Variants in C20orf96 observed in about 807,000 individuals in gnomAD.
C20orf96 encodes uncharacterized protein C20orf96.
Under a neutral mutation model 52.6 loss-of-function variants are expected in C20orf96, and 57 were observed. The ratio of observed to expected loss-of-function variants is 1.08; its 90% confidence interval spans 0.88 to 1.35. The LOEUF (loss-of-function observed/expected upper bound fraction) is 1.35, where lower values mean the gene tolerates loss of function less well. Ranked by LOEUF, C20orf96 falls within the 40% of genes most tolerant of loss-of-function variation. The pLI is 0.00. For missense variants in C20orf96, 478 were observed against 443.6 expected, an observed-to-expected ratio of 1.08 and a Z score of -0.70; for synonymous variants, 168 against 157.2, an observed-to-expected ratio of 1.07 and a Z score of -0.51.
At chr20:283,451 G>A (rs1259482585) in intron 4 of C20orf96, among the ~76,000 whole-genome samples, 3 of 151,956 alleles carry the variant, frequency 2.0e-5, no homozygotes, top group South Asian at 2.1e-4. Context: ...CTACAGGTGC[G>A]TGCTACCACA....
intron 10 of C20orf96, among the ~76,000 whole-genome samples, chr20:273,438 ACT>A (rs2011904349): frequency 6.6e-6 from 1 of 152,012 alleles, no homozygotes; most frequent in Non-Finnish European, 1.5e-5. Context: ...TCTCCCTGTC[ACT>A]CTGCATTCCA....
intron 10 of C20orf96, among the ~76,000 whole-genome samples, chr20:272,725 T>C (rs1262964020): frequency 6.6e-6 from 1 of 152,130 alleles, no homozygotes; most frequent in Non-Finnish European, 1.5e-5. Flanking sequence ...AATCTCTGCA[T>C]TTGACATCAC....
chr20:282,010 T>A (rs1443682518), intron 4 of C20orf96, among the ~76,000 whole-genome samples: 1 of 152,126 alleles, frequency 6.6e-6, no homozygotes, highest in Non-Finnish European at 1.5e-5. Flanking sequence ...AGTAACTTAT[T>A]CAAGGTCACA....
In C20orf96 at chr20:270,957, A is replaced by G; in HGVS notation, c.*250T>C. 1 of 470,214 alleles carries G rather than the reference A, an allele frequency of 2.1e-6. No homozygotes were observed. The highest frequency in any genetic ancestry group is 3.8e-6 in the Non-Finnish European group (1 of 264,378). 29.1% of individuals were successfully genotyped at this position (470,214 alleles called of 1,614,324 possible). ...AGCAGCACCAACCAGAAAGAAGGGA[A>G]GAAGAGAGGAAAAAACCACAGGAAG... On this transcript the variant is annotated 3_prime_UTR_variant, in exon 11 of 11. Transcript: ENST00000360321.
At position 276,775 on chromosome 20, in the gene C20orf96, C is replaced by T; in HGVS notation, c.912+18G>A. 1.2e-6 allele frequency: 2 copies of T among 1,608,872 alleles called. No individual in the cohort carries two copies. Among genetic ancestry groups the T allele is most frequent in the Middle Eastern group, 1.7e-4 (1 of 6,060 alleles). On this transcript the variant is annotated intron_variant, in intron 9 of 10. Transcript: ENST00000360321. The stretch of plus-strand genomic sequence containing the variant: ...CACTGCTTCCCTACAGGGACCACCA[C>T]CTTCCTTGCCCACGCACTTCTCTGA...
intron 3 of C20orf96, among the ~76,000 whole-genome samples, chr20:286,693 G>A (rs73572445): frequency 0.1 from 15,252 of 152,080 alleles, 2,500 homozygotes; most frequent in African/African-American, 0.34. Flanking sequence ...GCAAAAGTAC[G>A]GTACAATATC....
intron 10 of C20orf96, among the ~76,000 whole-genome samples, chr20:275,746 C>T (rs1343250151): frequency 4.6e-5 from 7 of 152,308 alleles, no homozygotes; most frequent in Non-Finnish European, 1.0e-4. Flanking sequence ...TTACACCACC[C>T]AGCCTGCTGT....
chr20:290,707 G>A lies in C20orf96; in HGVS notation c.-97C>T, dbSNP rs1170394114. The A allele has an allele frequency of 1.8e-5, 27 of 1,499,366 alleles. No homozygotes were observed. The highest frequency in any genetic ancestry group is 2.2e-5 in the Non-Finnish European group (24 of 1,092,516). 92.9% of individuals were successfully genotyped at this position (1,499,366 alleles called of 1,614,324 possible). A position where few individuals can be genotyped will look rare whatever the true frequency, so the allele number is the denominator to read the frequency against. On this transcript the variant is annotated 5_prime_UTR_variant, in exon 1 of 11. Transcript: ENST00000360321. ...ACTTCCTTGTCTCAGTGTAGATCGC[G>A]CGGTAACCCAGGCCACTCAGAAGTC...
At chr20:278,162 G>A (rs915892807) in intron 6 of C20orf96, among the ~76,000 whole-genome samples, 168 bp downstream of exon 6, 9 of 152,212 alleles carry the variant, frequency 5.9e-5, no homozygotes, top group Non-Finnish European at 1.2e-4. Flanking sequence ...AAAGAGCTAA[G>A]TGTTGGGTAA....
chr20:274,330 G>C (rs934564479), intron 10 of C20orf96, among the ~76,000 whole-genome samples: 1 of 151,512 alleles, frequency 6.6e-6, no homozygotes, highest in South Asian at 2.1e-4. Context: ...CACCAGAATG[G>C]TGAGTGTGAG....
chr20:275,499 C>T (rs887606021), intron 10 of C20orf96, among the ~76,000 whole-genome samples: 9 of 152,192 alleles, frequency 5.9e-5, no homozygotes, highest in African/African-American at 1.9e-4. Context: ...GGGGGACCCC[C>T]AACCCAACCG....
chr20:283,280 T>C (rs2012296813), intron 4 of C20orf96, among the ~76,000 whole-genome samples: 1 of 152,136 alleles, frequency 6.6e-6, no homozygotes, highest in African/African-American at 2.4e-5. Context: ...TGCTTCAAAG[T>C]ACACTGTAAG....
Position 290,482 on chromosome 20 carries a change from A to G in C20orf96, c.20+109T>C, listed in dbSNP as rs1821518037. 4.0e-6 allele frequency: 6 copies of G among 1,481,694 alleles called. No individual in the cohort carries two copies. The South Asian group carries it at 7.3e-5, about 18-fold the overall frequency. The allele number at this position is 1,481,694 out of a possible 1,614,324, so 91.8% of individuals were successfully genotyped here. On this transcript the variant is annotated intron_variant, in intron 1 of 10. Transcript: ENST00000360321. The stretch of plus-strand genomic sequence containing the variant: ...TGTGGGCGGGGAGAGGACGGGGGTC[A>G]GAAGACCGAGGGCGACCTCGAGGCG...
chr20:273,310 C>T (rs1354351231), intron 10 of C20orf96, among the ~76,000 whole-genome samples: 1 of 152,164 alleles, frequency 6.6e-6, no homozygotes, highest in Non-Finnish European at 1.5e-5. Flanking sequence ...TTTTGGAATA[C>T]AAATCTGATC....
Position 290,240 on chromosome 20 carries a change from C to A in C20orf96, c.69+19G>T. The stretch of plus-strand genomic sequence containing the variant: ...GGCCAGCGAGCCTCCCACCCCAGCC[C>A]TAGTCCCCCAAGACTCACCGGAACC... On this transcript the variant is annotated intron_variant, in intron 2 of 10. Coordinates refer to ENST00000360321, the MANE Select transcript of C20orf96 (RefSeq NM_153269.3). The A allele has an allele frequency of 6.2e-7, 1 of 1,603,294 alleles. No individual in the cohort carries two copies. The highest frequency in any genetic ancestry group is 8.5e-7 in the Non-Finnish European group (1 of 1,172,004).
At chr20:276,543 T>C in intron 9 of C20orf96, 3 of 985,340 alleles carry the variant, frequency 3.0e-6, no homozygotes, top group Non-Finnish European at 3.6e-6. Flanking sequence ...TAGGTGATGT[T>C]TGGTGATGGT....
At chr20:284,232 A>G in intron 3 of C20orf96, 151 bp from the exon 4 acceptor site, 1 of 623,236 alleles carries the variant, frequency 1.6e-6, no homozygotes, top group Non-Finnish European at 2.9e-6. Flanking sequence ...CGAGGGTGAA[A>G]TTCACACCCT....
intron 10 of C20orf96, among the ~76,000 whole-genome samples, chr20:275,387 C>T (rs1025525520): frequency 5.9e-5 from 9 of 152,054 alleles, no homozygotes; most frequent in African/African-American, 2.2e-4. Context: ...GGAAGGAAAA[C>T]GACAGGAGGG....
chr20:276,076 T>A lies in C20orf96; in HGVS notation c.923A>T (p.Gln308Leu). ...TAATACAGGCATGTTCTCCTCAAAC[T>A]GGTCAATAATCTGAGAGGAAAGGCA... is the stretch of plus-strand genomic sequence containing the variant. Reference protein sequence around the residue: ...CMQRFREIIDQFEENMPVLRA... With the variant: ...CMQRFREIIDLFEENMPVLRA... The change falls in exon 10 of 11, where the codon CAG becomes CTG. Residue 308 changes from glutamine to leucine, a missense_variant. Transcript: ENST00000360321. The A allele has an allele frequency of 1.2e-6, 2 of 1,613,982 alleles. No homozygotes were observed.
Sources: allele counts gnomAD v4.1 joint callset (sites outside exome capture counted in the v4.1 genomes callset), GRCh38; gene constraint gnomAD v4.1.1; transcripts MANE v1.5; gene names NCBI Gene and HGNC (gene_info 2026-07-23, HGNC 2026-07-21).